The following GRIN2A variants were observed in gnomAD, a reference collection of about 807,000 sequenced individuals.
The protein encoded by GRIN2A is glutamate ionotropic receptor NMDA type subunit 2A.
In GRIN2A, 22 loss-of-function variants were observed where a neutral mutation model predicts 113.4. That is an observed-to-expected ratio of 0.19 (90% CI 0.14 to 0.28). GRIN2A has a LOEUF of 0.28. GRIN2A is among the 10% of genes least tolerant of loss of function. GRIN2A has a pLI of 1.00. For missense variants in GRIN2A, 1,502 were observed against 1,887.0 expected (o/e 0.80, Z 3.78); for synonymous variants, 827 against 738.4 (o/e 1.12, Z -1.94).
At chr16:9,773,771 T>G (rs1296061100) in intron 11 of GRIN2A, among the ~76,000 whole-genome samples, 1 of 152,228 alleles carries the variant, frequency 6.6e-6, no homozygotes, top group East Asian at 1.9e-4. Flanking sequence ...GGGGAGATGT[T>G]TCCAGCCACA....
At chr16:9,849,252 T>A (rs1037030304) in intron 5 of GRIN2A, among the ~76,000 whole-genome samples, 13 of 145,788 alleles carry the variant, frequency 8.9e-5, no homozygotes, top group African/African-American at 3.0e-4. Context: ...TATATTAAGA[T>A]ATGTTTTATA....
intron 2 of GRIN2A, among the ~76,000 whole-genome samples, chr16:9,974,631 T>C (rs2045740113): frequency 6.6e-6 from 1 of 152,198 alleles, no homozygotes; most frequent in Non-Finnish European, 1.5e-5. Flanking sequence ...AGGAGTTTTG[T>C]CTGCGGCTCG....
At chr16:10,107,221 A>G (rs935261191) in intron 2 of GRIN2A, among the ~76,000 whole-genome samples, 2 of 152,200 alleles carry the variant, frequency 1.3e-5, no homozygotes, top group Non-Finnish European at 2.9e-5. Context: ...AGATCTCAGC[A>G]CTAGTCCCAG....
intron 3 of GRIN2A, among the ~76,000 whole-genome samples, chr16:9,911,413 A>G (rs1266309347): frequency 1.3e-5 from 2 of 152,228 alleles, no homozygotes; most frequent in African/African-American, 4.8e-5. Flanking sequence ...AGAAAACCTT[A>G]AATTTATATG....
At chr16:9,767,631 TG>T (rs771874969) in intron 12 of GRIN2A, among the ~76,000 whole-genome samples, 1 of 148,336 alleles carries the variant, frequency 6.7e-6, no homozygotes, top group Non-Finnish European at 1.5e-5. Context: ...AAAAACAAGG[TG>T]GGCAAATAAG....
intron 2 of GRIN2A, among the ~76,000 whole-genome samples, chr16:9,956,209 G>A (rs1331644726): frequency 6.6e-6 from 1 of 152,150 alleles, no homozygotes; most frequent in African/African-American, 2.4e-5. Flanking sequence ...ACTGTCCTGT[G>A]GGCTTTCTTG....
At chr16:9,773,802 A>G (rs1446538354) in intron 11 of GRIN2A, among the ~76,000 whole-genome samples, 1 of 152,240 alleles carries the variant, frequency 6.6e-6, no homozygotes, top group Non-Finnish European at 1.5e-5. Flanking sequence ...CTAACCACTT[A>G]GTTCTGCACC....
chr16:9,878,954 G>C (rs1294739025), intron 4 of GRIN2A, among the ~76,000 whole-genome samples: 1 of 152,074 alleles, frequency 6.6e-6, no homozygotes. Context: ...ATTTGCTAGA[G>C]ATCTACTATA....
rs2043683703 is a variant in GRIN2A, at chr16:9,890,999, C to T, written c.1109G>A (p.Arg370Gln). The change falls in exon 4 of 13, where the codon CGG becomes CAG. Residue 370 changes from arginine to glutamine, a missense_variant. Transcript: ENST00000330684. ...RLVVIVLNKD[R>Q]EWEKVGKWEN... ...AAGGATGCTCACCTTTTCCCATTCC[C>T]GGTCTTTGTTCAGCACAATCACCAC... The T allele has an allele frequency of 1.2e-6, 2 of 1,605,226 alleles. No individual in the cohort carries two copies. Among genetic ancestry groups the T allele is most frequent in the African/African-American group, 1.3e-5 (1 of 74,858 alleles).
chr16:9,827,567 C>A (rs1382849212), intron 9 of GRIN2A, among the ~76,000 whole-genome samples: 1 of 152,200 alleles, frequency 6.6e-6, no homozygotes, highest in Non-Finnish European at 1.5e-5. Context: ...CCTTTGTATT[C>A]TCACACAGAT....
intron 2 of GRIN2A, among the ~76,000 whole-genome samples, chr16:10,168,706 C>T (rs1245574614): frequency 6.6e-6 from 1 of 152,162 alleles, no homozygotes; most frequent in East Asian, 1.9e-4. Flanking sequence ...GTGGCTAACG[C>T]CTGTAGTCCA....
chr16:9,977,566 C>T (rs1267480185), intron 2 of GRIN2A, among the ~76,000 whole-genome samples: 1 of 152,142 alleles, frequency 6.6e-6, no homozygotes, highest in Admixed American at 6.5e-5. Flanking sequence ...CTGTATACAG[C>T]GTACCACCCA....
At chr16:9,911,080 A>C (rs2044126103) in intron 3 of GRIN2A, among the ~76,000 whole-genome samples, 1 of 152,168 alleles carries the variant, frequency 6.6e-6, no homozygotes, top group Non-Finnish European at 1.5e-5. Flanking sequence ...AGAATTATCC[A>C]AAATAATGTA....
At chr16:10,179,778 T>C in intron 2 of GRIN2A, 2 of 592,128 alleles carry the variant, frequency 3.4e-6, no homozygotes, top group Non-Finnish European at 6.1e-6. Flanking sequence ...AAAGTGCTCC[T>C]GTGTACACCA....
chr16:9,812,321 A>C (rs939371740), intron 10 of GRIN2A, among the ~76,000 whole-genome samples: 3 of 152,146 alleles, frequency 2.0e-5, no homozygotes, highest in Admixed American at 6.5e-5. Context: ...TAAGCTCCCA[A>C]TAAATGGAAT....
chr16:10,112,859 C>T (rs1423712310), intron 2 of GRIN2A: 14 of 548,654 alleles, frequency 2.6e-5, no homozygotes, highest in South Asian at 1.2e-4. Context: ...ATGGCCTGCA[C>T]GCTTACCAGA....
chr16:9,918,118 G>A (rs2044287059), intron 3 of GRIN2A, among the ~76,000 whole-genome samples: 2 of 152,084 alleles, frequency 1.3e-5, no homozygotes, highest in South Asian at 2.1e-4. Context: ...TGTGAGTGGG[G>A]ACCAGCATTA....
At chr16:9,777,817 A>C (rs1286053757) in intron 11 of GRIN2A, among the ~76,000 whole-genome samples, 1 of 152,090 alleles carries the variant, frequency 6.6e-6, no homozygotes, top group African/African-American at 2.4e-5. Context: ...TAATCCCAGC[A>C]CTCTGGGAGG....
chr16:10,093,826 C>T (rs778318311), intron 2 of GRIN2A, among the ~76,000 whole-genome samples: 2 of 152,070 alleles, frequency 1.3e-5, no homozygotes, highest in African/African-American at 4.8e-5. Flanking sequence ...TGCCAGTGTG[C>T]CGGTTTTGGC....
Sources: gnomAD v4.1 joint callset for allele counts (sites outside exome capture counted in the v4.1 genomes callset) on GRCh38, gnomAD v4.1.1 for gene constraint, MANE v1.5 for transcripts, NCBI Gene and HGNC (gene_info 2026-07-23, HGNC 2026-07-21) for gene names.